Variants in PRCC observed in about 807,000 individuals in gnomAD.
PRCC encodes proline rich mitotic checkpoint control factor.
In PRCC, 10 loss-of-function variants were observed where a neutral mutation model predicts 44.0. That is an observed-to-expected ratio of 0.23 (90% CI 0.14 to 0.39). The LOEUF is 0.39. PRCC is among the 10% of genes least tolerant of loss of function. The pLI, the probability that PRCC is intolerant of heterozygous loss-of-function variation, is 1.00. For synonymous variants in PRCC, 278 were observed against 259.5 expected (o/e 1.07, Z -0.69); for missense variants, 573 against 624.7 (o/e 0.92, Z 0.88).
chr1:156,790,740 G>GATA (rs1357645016), intron 3 of PRCC, among the ~76,000 whole-genome samples: 6 of 152,098 alleles, frequency 3.9e-5, no homozygotes, highest in African/African-American at 1.4e-4. Flanking sequence ...ACACCACTGA[G>GATA]ATAATCTATG....
chr1:156,779,767 T>TG (rs61217188), intron 1 of PRCC, among the ~76,000 whole-genome samples: 5,462 of 151,746 alleles, frequency 0.036, 319 homozygotes, highest in African/African-American at 0.12. Flanking sequence ...ATATTAGAGG[T>TG]GGGGGGGTCT....
At chr1:156,797,190 C>T in intron 5 of PRCC, 86 bp from the exon 6 acceptor site, 2 of 1,544,760 alleles carry the variant, frequency 1.3e-6, no homozygotes, top group African/African-American at 2.7e-5. Flanking sequence ...ATTGGCTTCT[C>T]AGCCCCTAAC....
intron 1 of PRCC, among the ~76,000 whole-genome samples, chr1:156,769,222 A>G (rs1651531958): frequency 1.3e-5 from 2 of 152,246 alleles, no homozygotes; most frequent in Non-Finnish European, 2.9e-5. Flanking sequence ...TTCTTCTCTC[A>G]GATATCCTAA....
chr1:156,792,053 C>CCTTTTTTTTTTTTTTTTTTTTTT (rs1652497775), intron 4 of PRCC, among the ~76,000 whole-genome samples: 1 of 58,408 alleles, frequency 1.7e-5, no homozygotes, highest in East Asian at 9.1e-4. Context: ...TAGTCCCCTT[C>CCTTTTTTTTTTTTTTTTTTTTTT]TTTTTTTTTT....
At chr1:156,788,265 C>G (rs1245643388) in intron 3 of PRCC, among the ~76,000 whole-genome samples, 2 of 152,138 alleles carry the variant, frequency 1.3e-5, no homozygotes, top group Admixed American at 1.3e-4. Flanking sequence ...ATTTGGTTTT[C>G]TGTTTCTATG....
At chr1:156,778,211 A>G (rs950746323) in intron 1 of PRCC, among the ~76,000 whole-genome samples, 2 of 152,136 alleles carry the variant, frequency 1.3e-5, no homozygotes, top group African/African-American at 4.8e-5. Context: ...CTCAGTGGTA[A>G]CCACCATTGT....
chr1:156,791,205 G>A (rs1046755126), intron 3 of PRCC: 1 of 1,304,728 alleles, frequency 7.7e-7, no homozygotes, highest in Non-Finnish European at 1.0e-6. Context: ...TTAAATCAGA[G>A]ATCTATAACC....
chr1:156,797,941 AT>A (rs968022388), intron 6 of PRCC, among the ~76,000 whole-genome samples: 26 of 150,018 alleles, frequency 1.7e-4, no homozygotes, highest in Non-Finnish European at 3.1e-4. Context: ...TGCGTATAAC[AT>A]TTTTTTTTTC....
At chr1:156,782,352 T>C (rs762476589) in intron 2 of PRCC, 23 bp downstream of exon 2, 11 of 1,565,354 alleles carry the variant, frequency 7.0e-6, no homozygotes, top group Non-Finnish European at 9.6e-6. Context: ...ATATAAACCA[T>C]TTTTTTTCTC....
At chr1:156,785,003 A>G (rs1652181804) in intron 2 of PRCC, among the ~76,000 whole-genome samples, 1 of 148,068 alleles carries the variant, frequency 6.8e-6, no homozygotes, top group Admixed American at 6.8e-5. Context: ...GATTAAAAAA[A>G]TACAGCATAT....
At chr1:156,779,046 G>A (rs1186533326) in intron 1 of PRCC, among the ~76,000 whole-genome samples, 13 of 129,882 alleles carry the variant, frequency 1.0e-4, no homozygotes, top group Non-Finnish European at 1.3e-4. Context: ...GTGTTCCCCC[G>A]CCTCAGCCTC....
intron 3 of PRCC, among the ~76,000 whole-genome samples, chr1:156,787,569 A>C (rs2102766435): frequency 7.2e-6 from 1 of 138,650 alleles, no homozygotes; most frequent in South Asian, 2.3e-4. Context: ...ACATGGGTAA[A>C]TTGCATGTCA....
chr1:156,773,708 C>T (rs1651715777), intron 1 of PRCC, among the ~76,000 whole-genome samples: 1 of 152,162 alleles, frequency 6.6e-6, no homozygotes, highest in Non-Finnish European at 1.5e-5. Flanking sequence ...TTGGCAGTTC[C>T]TCAAAAGGTT....
At chr1:156,800,000 C>T (rs575191240) in intron 6 of PRCC, among the ~76,000 whole-genome samples, 1 of 152,252 alleles carries the variant, frequency 6.6e-6, no homozygotes, top group Admixed American at 6.5e-5. Context: ...CCTACTCTGC[C>T]GGCTGGGTGT....
rs146298751 is a variant in PRCC at position 156,791,749 on chromosome 1, C to A, written c.1136C>A (p.Pro379His). The A allele has an allele frequency of 3.1e-6, 5 of 1,613,970 alleles. No homozygotes were observed. The highest frequency in any genetic ancestry group is 1.7e-5 in the Admixed American group (1 of 59,980). ...YPAQDPALVP[P>H]QEIAPDASFI... ...GCACAGGACCCGGCCCTGGTCCCCC[C>A]CCAGGAAATTGCCCCAGATGCCTCC... The change falls in exon 4 of 7, where the codon CCC (proline) becomes CAC (histidine). Residue 379 changes from proline (P) to histidine (H), a missense_variant. This residue lies in a region of PRCC where 141 missense variants were observed against 130.2 expected (regional missense o/e 1.08). Transcript: ENST00000271526.
At chr1:156,779,013 T>C (rs1268252422) in intron 1 of PRCC, among the ~76,000 whole-genome samples, 1 of 147,694 alleles carries the variant, frequency 6.8e-6, no homozygotes, top group Non-Finnish European at 1.5e-5. Flanking sequence ...TTGGTCAGGC[T>C]GGTCTCAAAC....
intron 3 of PRCC, 42 bp from the exon 4 acceptor site, chr1:156,791,655 G>A: frequency 1.3e-6 from 2 of 1,568,078 alleles, no homozygotes; most frequent in Non-Finnish European, 1.7e-6. Flanking sequence ...CTCTCCAACT[G>A]TGCCCTCAGT....
chr1:156,777,190 C>G (rs574915580), intron 1 of PRCC, among the ~76,000 whole-genome samples: 2 of 152,212 alleles, frequency 1.3e-5, no homozygotes, highest in East Asian at 3.9e-4. Flanking sequence ...GCTTCATGCT[C>G]TCTCAGCTGT....
At chr1:156,777,613 T>A (rs1651873297) in intron 1 of PRCC, among the ~76,000 whole-genome samples, 1 of 152,212 alleles carries the variant, frequency 6.6e-6, no homozygotes, top group Admixed American at 6.5e-5. Context: ...TAAGAAATAC[T>A]CTTTGCTGTC....
Sources: allele counts gnomAD v4.1 joint callset (sites outside exome capture counted in the v4.1 genomes callset), GRCh38; gene constraint gnomAD v4.1.1; regional missense constraint gnomAD v4.1.1; transcripts MANE v1.5; gene names NCBI Gene and HGNC (gene_info 2026-07-23, HGNC 2026-07-21).